Variants in GHR observed in about 807,000 individuals in gnomAD.
GHR encodes GH receptor.
GHR carries 35 observed loss-of-function variants against 67.1 expected under a neutral mutation model. That is an observed-to-expected ratio of 0.52 (90% CI 0.40 to 0.69). GHR has a LOEUF of 0.69. Among genes scored for constraint, GHR ranks in the 30% least tolerant of loss-of-function variants. The probability of loss-of-function intolerance (pLI) is 0.00; values close to 1 mark genes in which losing one functional copy is unlikely to be tolerated. For synonymous variants in GHR, 272 were observed against 269.1 expected, an observed-to-expected ratio of 1.01 and a Z score of -0.10; for missense variants, 792 against 764.6, an observed-to-expected ratio of 1.04 and a Z score of -0.42.
chr5:42,458,929 AAT>A (rs1220317086), intron 1 of GHR, among the ~76,000 whole-genome samples: 1 of 152,238 alleles, frequency 6.6e-6, no homozygotes, highest in Non-Finnish European at 1.5e-5. Context: ...TCAAAACCAC[AAT>A]GAGATACCAT....
intron 1 of GHR, among the ~76,000 whole-genome samples, chr5:42,427,631 C>A (rs951314340): frequency 6.6e-6 from 1 of 152,168 alleles, no homozygotes; most frequent in Non-Finnish European, 1.5e-5. Flanking sequence ...CCAACAGTCC[C>A]CCAAAGTCTT....
intron 2 of GHR, among the ~76,000 whole-genome samples, chr5:42,585,260 C>T (rs1751414885): frequency 6.6e-6 from 1 of 152,220 alleles, no homozygotes; most frequent in Non-Finnish European, 1.5e-5. Context: ...CAGAGGATTC[C>T]TTCCATTGGG....
chr5:42,443,633 G>T (rs1743678120), intron 1 of GHR, among the ~76,000 whole-genome samples: 1 of 151,794 alleles, frequency 6.6e-6, no homozygotes, highest in African/African-American at 2.4e-5. Context: ...TGTGTGTGTA[G>T]ATTTATTTTA....
intron 2 of GHR, among the ~76,000 whole-genome samples, chr5:42,602,015 A>G (rs916271176): frequency 1.3e-5 from 2 of 152,148 alleles, no homozygotes; most frequent in Non-Finnish European, 2.9e-5. Context: ...TCTTTTTTCT[A>G]TAATAATTTA....
In GHR at chr5:42,709,565, G is replaced by T. The variant is rs944710626; in HGVS notation, c.619-1642G>T. The stretch of plus-strand genomic sequence containing the variant: ...TAGCATGGAATTATTCATGATATCT[G>T]TGCCATATCTTGAGGACCCACTGTA... On this transcript the variant is annotated intron_variant, in intron 6 of 9. Coordinates refer to ENST00000230882, the MANE Select transcript of GHR (RefSeq NM_000163.5). Among the ~76,000 whole-genome samples, 4 of 152,070 alleles carry T rather than the reference G, an allele frequency of 2.6e-5. No individual in the cohort carries two copies. The East Asian group carries it at 7.7e-4, about 29-fold the overall frequency.
intron 1 of GHR, among the ~76,000 whole-genome samples, chr5:42,505,059 C>T (rs73083469): frequency 0.034 from 5,115 of 151,482 alleles, 114 homozygotes; most frequent in Middle Eastern, 0.084. Context: ...ATTTTAACTA[C>T]GTGCCTCTTA....
chr5:42,663,123 G>T (rs1007135143), intron 3 of GHR, among the ~76,000 whole-genome samples: 7 of 152,136 alleles, frequency 4.6e-5, no homozygotes, highest in Non-Finnish European at 1.0e-4. Flanking sequence ...ACCAAAAAGA[G>T]TCCAGGCCCA....
chr5:42,651,260 A>G (rs887754491), intron 3 of GHR, among the ~76,000 whole-genome samples: 10 of 152,162 alleles, frequency 6.6e-5, no homozygotes, highest in Admixed American at 3.3e-4. Flanking sequence ...GTTACCTTCA[A>G]ACTCCACCTA....
intron 2 of GHR, among the ~76,000 whole-genome samples, chr5:42,604,006 G>C (rs1752503193): frequency 6.6e-6 from 1 of 152,152 alleles, no homozygotes. Context: ...CATGGAACTT[G>C]GAAACACTTG....
intron 1 of GHR, among the ~76,000 whole-genome samples, chr5:42,477,102 A>G (rs557154869): frequency 1.5e-5 from 2 of 133,826 alleles, no homozygotes; most frequent in East Asian, 4.4e-4. Context: ...CTCATTGTTC[A>G]ATTCCCACCT....
chr5:42,668,028 G>T (rs1229914653), intron 3 of GHR, among the ~76,000 whole-genome samples: 3 of 152,002 alleles, frequency 2.0e-5, no homozygotes, highest in African/African-American at 7.3e-5. Context: ...ACTGGATTAC[G>T]ATCTTCAAGG....
At chr5:42,691,882 A>G (rs1180391418) in intron 4 of GHR, among the ~76,000 whole-genome samples, 1 of 152,232 alleles carries the variant, frequency 6.6e-6, no homozygotes, top group Non-Finnish European at 1.5e-5. Flanking sequence ...GGGACTCAGG[A>G]TGAATGCACA....
chr5:42,581,207 G>T (rs2112557148), intron 2 of GHR, among the ~76,000 whole-genome samples: 1 of 152,294 alleles, frequency 6.6e-6, no homozygotes, highest in Middle Eastern at 3.4e-3. Flanking sequence ...CATTATGATG[G>T]AGAGGAATAA....
chr5:42,485,561 A>C (rs1329538045), intron 1 of GHR, among the ~76,000 whole-genome samples: 3 of 152,196 alleles, frequency 2.0e-5, no homozygotes, highest in Non-Finnish European at 4.4e-5. Flanking sequence ...AGAGTTATGG[A>C]CTTCACTCTG....
At chr5:42,684,944 T>C (rs1035180300) in intron 3 of GHR, among the ~76,000 whole-genome samples, 1 of 151,660 alleles carries the variant, frequency 6.6e-6, no homozygotes, top group Admixed American at 6.6e-5. Flanking sequence ...TTTTTCTTTT[T>C]ATTATTATTA....
At position 42,545,972 on chromosome 5, in the gene GHR, C is replaced by T. The variant is rs555163722; in HGVS notation, c.-11-19892C>T. 4.6e-5 allele frequency among the ~76,000 whole-genome samples: 7 copies of T among 152,182 alleles called. No individual in the cohort carries two copies. In the East Asian group the frequency reaches 1.2e-3, roughly 25 times the overall value. Reference sequence around the variant, plus strand: ...AATAATTCCCCCAAATAAAACTATTCGTAAGTTCTAACAGTTCCAAATACT... The same window carrying T: ...AATAATTCCCCCAAATAAAACTATTTGTAAGTTCTAACAGTTCCAAATACT... On this transcript the variant is annotated intron_variant, in intron 1 of 9. Coordinates refer to ENST00000230882, the MANE Select transcript of GHR (RefSeq NM_000163.5).
intron 1 of GHR, among the ~76,000 whole-genome samples, chr5:42,446,496 A>T (rs12188030): frequency 6.6e-6 from 1 of 152,176 alleles, no homozygotes; most frequent in Non-Finnish European, 1.5e-5. Context: ...GTGATCTTGG[A>T]CTTTGTCTGG....
chr5:42,483,895 C>T (rs1745765474), intron 1 of GHR, among the ~76,000 whole-genome samples: 1 of 152,226 alleles, frequency 6.6e-6, no homozygotes, highest in East Asian at 1.9e-4. Flanking sequence ...TTGTAACATA[C>T]TGGGCTGTGT....
chr5:42,639,028 G>A (rs1754340224), intron 3 of GHR, among the ~76,000 whole-genome samples: 1 of 152,040 alleles, frequency 6.6e-6, no homozygotes, highest in Admixed American at 6.6e-5. Flanking sequence ...TCAATGTATC[G>A]GCTAATCAAT....
Sources: allele counts gnomAD v4.1 joint callset (sites outside exome capture counted in the v4.1 genomes callset), GRCh38; gene constraint gnomAD v4.1.1; transcripts MANE v1.5; gene names NCBI Gene and HGNC (gene_info 2026-07-23, HGNC 2026-07-21).